The following ZEB1 variants were observed in gnomAD, a reference collection of about 807,000 sequenced individuals.
ZEB1 encodes zinc finger E-box binding homeobox 1, also known as zinc finger E-box-binding homeobox 1.
Under a neutral mutation model 84.9 loss-of-function variants are expected in ZEB1, and 21 were observed. That is an observed-to-expected ratio of 0.25 (90% CI 0.18 to 0.36). The LOEUF is 0.36. ZEB1 is among the 10% of genes least tolerant of loss of function. The pLI, the probability that ZEB1 is intolerant of heterozygous loss-of-function variation, is 1.00. For synonymous variants in ZEB1, 420 were observed against 471.1 expected (o/e 0.89, Z 1.41); for missense variants, 1,104 against 1,330.2 (o/e 0.83, Z 2.65).
intron 1 of ZEB1, among the ~76,000 whole-genome samples, chr10:31,452,831 G>T (rs1308841175): frequency 1.3e-5 from 2 of 151,548 alleles, no homozygotes; most frequent in African/African-American, 4.9e-5. Flanking sequence ...CACTTGGTCA[G>T]TGTTTCCACC....
chr10:31,419,083 A>G (rs189762913), intron 1 of ZEB1, among the ~76,000 whole-genome samples: 73 of 152,314 alleles, frequency 4.8e-4, no homozygotes, highest in African/African-American at 1.7e-3. Context: ...TGGAGTTTCC[A>G]GTATAATGCC....
chr10:31,454,513 G>A (rs2060967252), intron 1 of ZEB1, among the ~76,000 whole-genome samples: 1 of 152,150 alleles, frequency 6.6e-6, no homozygotes, highest in African/African-American at 2.4e-5. Flanking sequence ...TGTATATTTA[G>A]AAAACCCCTT....
chr10:31,376,487 C>T (rs545273572), intron 1 of ZEB1, among the ~76,000 whole-genome samples: 2 of 151,730 alleles, frequency 1.3e-5, no homozygotes, highest in African/African-American at 4.8e-5. Context: ...TGAATATGAG[C>T]AGAATAAACA....
In ZEB1 at chr10:31,495,968, A is replaced by C. The variant is rs560848732; in HGVS notation, c.322+130A>C. On this transcript the variant is annotated intron_variant, in intron 3 of 8. Transcript: ENST00000424869. ...TTATCTTACCTTCCTTAAATGTTTA[A>C]GTACTTAGGCATATGGTGCACTACA... is the stretch of plus-strand genomic sequence containing the variant. 3.1e-6 allele frequency: 3 copies of C among 967,508 alleles called. No individual in the cohort carries two copies. In the East Asian group the frequency reaches 7.3e-5, roughly 23 times the overall value. 59.9% of individuals were successfully genotyped at this position (967,508 alleles called of 1,614,324 possible). A position where few individuals can be genotyped will look rare whatever the true frequency, so the allele number is the denominator to read the frequency against.
intron 4 of ZEB1, among the ~76,000 whole-genome samples, chr10:31,507,626 T>G (rs1238122920): frequency 1.3e-5 from 2 of 151,982 alleles, no homozygotes; most frequent in Non-Finnish European, 2.9e-5. Context: ...AAGCTTTCAG[T>G]TGTCTTTTGT....
At chr10:31,333,422 A>G (rs1047633341) in intron 1 of ZEB1, among the ~76,000 whole-genome samples, 7 of 152,278 alleles carry the variant, frequency 4.6e-5, no homozygotes, top group African/African-American at 1.7e-4. Context: ...AAAGAACACA[A>G]GAAGTGGTAA....
chr10:31,520,500 G>A lies in ZEB1; in HGVS notation c.1168G>A (p.Gly390Ser). ...ATTACAGGCAACCAGTTCTCCTCAG[G>A]GCATGGTGCAAGCTGTTGTTCTGCC... ...GPLQATSSPQ[G>S]MVQAVVLPTV... The change falls in exon 7 of 9, where the codon GGC (glycine) becomes AGC (serine). Residue 390 changes from glycine (G) to serine (S), a missense_variant. Around this residue, in one of 7 missense-constraint regions of ZEB1, gnomAD observed 111 missense variants for 161.8 expected, o/e 0.69. Transcript: ENST00000424869. This position sits in a 1 kb window ranked among gnomAD's most constrained non-coding sequence, Gnocchi z 5.1. The A allele has an allele frequency of 1.2e-6, 2 of 1,613,840 alleles. No homozygotes were observed. Among genetic ancestry groups the A allele is most frequent in the Non-Finnish European group, 1.7e-6 (2 of 1,179,814 alleles).
intron 1 of ZEB1, chr10:31,321,097 C>G: frequency 2.0e-6 from 2 of 993,192 alleles, no homozygotes; most frequent in Non-Finnish European, 2.4e-6. Context: ...AAAACTCTCT[C>G]GTGCTCCCCC....
At chr10:31,406,934 A>G (rs571997646) in intron 1 of ZEB1, among the ~76,000 whole-genome samples, 12 of 152,188 alleles carry the variant, frequency 7.9e-5, no homozygotes, top group African/African-American at 2.6e-4. Flanking sequence ...TCCCAACACC[A>G]TTTATTAAAT....
Position 31,527,702 on chromosome 10 carries a change from T to C in ZEB1, c.*438T>C, listed in dbSNP as rs1230616251. 1.8e-5 allele frequency: 3 copies of C among 165,158 alleles called. No homozygotes were observed. Among genetic ancestry groups the C allele is most frequent in the African/African-American group, 7.2e-5 (3 of 41,568 alleles). 10.2% of individuals were successfully genotyped at this position (165,158 alleles called of 1,614,324 possible). On this transcript the variant is annotated 3_prime_UTR_variant, in exon 9 of 9. Transcript: ENST00000424869. Reference sequence around the variant, plus strand: ...TGGGAGAAATTTTATAATTTTTTATTGGTAAACATATGCTAAATCCGCTTC... The same window carrying C: ...TGGGAGAAATTTTATAATTTTTTATCGGTAAACATATGCTAAATCCGCTTC...
chr10:31,448,924 G>T (rs1031594101), intron 1 of ZEB1, among the ~76,000 whole-genome samples: 15 of 152,234 alleles, frequency 9.9e-5, no homozygotes, highest in Admixed American at 8.5e-4. Flanking sequence ...GCCTCCTTGA[G>T]CTGTGGTGGG....
chr10:31,356,631 C>A (rs2042171682), intron 1 of ZEB1, among the ~76,000 whole-genome samples: 1 of 152,128 alleles, frequency 6.6e-6, no homozygotes. Context: ...CACAGAATTC[C>A]TTATGAACTT....
At chr10:31,494,626 T>G (rs1445243257) in intron 2 of ZEB1, among the ~76,000 whole-genome samples, 2 of 152,006 alleles carry the variant, frequency 1.3e-5, no homozygotes, top group East Asian at 3.9e-4. Flanking sequence ...ATAAGTACAC[T>G]ATTTCGGTGT....
At chr10:31,382,194 T>G (rs1019239153) in intron 1 of ZEB1, among the ~76,000 whole-genome samples, 1 of 151,948 alleles carries the variant, frequency 6.6e-6, no homozygotes, top group African/African-American at 2.4e-5. Context: ...TCAATACATA[T>G]GTGAAACCAG....
In ZEB1 at chr10:31,456,899, CTG is replaced by C. The variant is rs747520859; in HGVS notation, c.59-4134_59-4133del. Among the ~76,000 whole-genome samples the C allele has an allele frequency of 1.4e-4, 22 of 152,244 alleles. No individual in the cohort carries two copies. The East Asian group carries it at 4.2e-3, about 29-fold the overall frequency. On this transcript the variant is annotated intron_variant, in intron 1 of 8. Coordinates refer to ENST00000424869, the MANE Select transcript of ZEB1 (RefSeq NM_001174096.2). ...CAACCACTGTATGCAGTGGTTACTG[CTG>C]TGTCTGGCATTAAATATTAGCAAAT... is the stretch of plus-strand genomic sequence containing the variant.
At chr10:31,386,497 G>A (rs963806969) in intron 1 of ZEB1, among the ~76,000 whole-genome samples, 8 of 151,372 alleles carry the variant, frequency 5.3e-5, no homozygotes, top group East Asian at 1.9e-4. Flanking sequence ...CTTAATCATC[G>A]CAATTTTTTA....
intron 1 of ZEB1, chr10:31,387,235 T>A (rs1476548533): frequency 1.0e-6 from 1 of 985,692 alleles, no homozygotes; most frequent in Non-Finnish European, 1.2e-6. Context: ...GAGAACTTGA[T>A]CAGTTTGTGT....
intron 1 of ZEB1, among the ~76,000 whole-genome samples, chr10:31,428,611 CT>C (rs1301260997): frequency 6.6e-6 from 1 of 152,160 alleles, no homozygotes; most frequent in African/African-American, 2.4e-5. Context: ...TCCTGAATAT[CT>C]TTGTTAATTT....
chr10:31,471,088 G>A (rs1263981739), intron 2 of ZEB1, among the ~76,000 whole-genome samples: 6 of 130,274 alleles, frequency 4.6e-5, no homozygotes, highest in Non-Finnish European at 9.8e-5. Context: ...AGGAACAACC[G>A]GTACCAGCCG....
Sources: gnomAD v4.1 joint callset for allele counts (sites outside exome capture counted in the v4.1 genomes callset) on GRCh38, gnomAD v4.1.1 for gene constraint, gnomAD v4.1.1 regional missense constraint, Gnocchi (gnomAD v3.1) non-coding constraint, MANE v1.5 for transcripts, NCBI Gene and HGNC (gene_info 2026-07-23, HGNC 2026-07-21) for gene names.